The following CPT1A variants were observed in gnomAD, a reference collection of about 807,000 sequenced individuals.
CPT1A encodes the protein carnitine palmitoyltransferase 1A, also known as carnitine O-palmitoyltransferase 1, liver isoform.
CPT1A carries 64 observed loss-of-function variants against 100.8 expected under a neutral mutation model. That is an observed-to-expected ratio of 0.63 (90% CI 0.52 to 0.78). CPT1A has a LOEUF of 0.78. Ranked by LOEUF, CPT1A falls within the 30% of genes least tolerant of loss-of-function variation. The pLI, the probability that CPT1A is intolerant of heterozygous loss-of-function variation, is 0.00. For missense variants in CPT1A, 802 were observed against 1,034.1 expected (o/e 0.78, Z 3.08); for synonymous variants, 363 against 396.0 (o/e 0.92, Z 0.99).
At chr11:68,812,719 C>T (rs1377461518) in intron 2 of CPT1A, 143 bp from the exon 3 acceptor site, 1 of 887,620 alleles carries the variant, frequency 1.1e-6, no homozygotes, top group Admixed American at 2.0e-5. Flanking sequence ...TGAGAAACCA[C>T]ACCCCACTAG....
intron 18 of CPT1A, among the ~76,000 whole-genome samples, chr11:68,758,591 T>C (rs1252108298): frequency 2.0e-5 from 3 of 151,858 alleles, no homozygotes; most frequent in Admixed American, 6.6e-5. Context: ...GAGGTAAACA[T>C]GTTAAACCAA....
chr11:68,803,919 G>A, intron 5 of CPT1A, 81 bp downstream of exon 5: 1 of 1,102,400 alleles, frequency 9.1e-7, no homozygotes. Flanking sequence ...AAATGGCGGT[G>A]ACCTAGTTCA....
chr11:68,838,575 A>AAAAAAAAAAAAAAC (rs1857074330), intron 1 of CPT1A, among the ~76,000 whole-genome samples: 1 of 140,844 alleles, frequency 7.1e-6, no homozygotes, highest in African/African-American at 2.7e-5. Context: ...ACCTTTTTAA[A>AAAAAAAAAAAAAAC]AAAAAAAAAA....
At chr11:68,816,976 T>C (rs1594365031) in intron 1 of CPT1A, among the ~76,000 whole-genome samples, 1 of 80,782 alleles carries the variant, frequency 1.2e-5, no homozygotes, top group African/African-American at 5.1e-5. Flanking sequence ...GTGTGTGGTG[T>C]GGGGGGGTGC....
At chr11:68,827,514 C>A (rs1566387152) in intron 1 of CPT1A, among the ~76,000 whole-genome samples, 1 of 151,660 alleles carries the variant, frequency 6.6e-6, no homozygotes, top group Non-Finnish European at 1.5e-5. Flanking sequence ...TAGAATGTCC[C>A]CCCTACCCCA....
upstream of CPT1A, among the ~76,000 whole-genome samples, chr11:68,842,183 G>A (rs1200711692): frequency 1.3e-5 from 2 of 152,182 alleles, no homozygotes; most frequent in Admixed American, 6.5e-5. Context: ...GTGCCTGGCT[G>A]ATCCTCGCGA....
chr11:68,830,851 G>A (rs928507271), intron 1 of CPT1A, among the ~76,000 whole-genome samples: 1 of 152,206 alleles, frequency 6.6e-6, no homozygotes, highest in South Asian at 2.1e-4. Flanking sequence ...AATGTCACCT[G>A]CACCAGCTGG....
intron 9 of CPT1A, among the ~76,000 whole-genome samples, chr11:68,790,901 G>A (rs539980915): frequency 3.7e-4 from 57 of 152,116 alleles, no homozygotes; most frequent in African/African-American, 1.3e-3. Flanking sequence ...TTGGCTCACT[G>A]CAACCTCCAC....
chr11:68,780,703 C>CT lies in CPT1A; in HGVS notation c.1394_1395insA (p.Lys466GlufsTer7), dbSNP rs764090154. On this transcript the variant is annotated frameshift_variant, in exon 12 of 19. Transcript: ENST00000265641. LOFTEE classifies it high-confidence loss of function. Reference sequence around the variant, plus strand: ...AGTGTTCAGCGTTGAGGCCCATCTTCCCGTTTTTGAAGACAACAAACGTGA... The same window carrying CT: ...AGTGTTCAGCGTTGAGGCCCATCTTCTCCGTTTTTGAAGACAACAAACGTGA... 6.2e-7 allele frequency: 1 copy of CT among 1,614,260 alleles called. No individual in the cohort carries two copies. The highest frequency in any genetic ancestry group is 8.5e-7 in the Non-Finnish European group (1 of 1,180,044).
intron 4 of CPT1A, among the ~76,000 whole-genome samples, chr11:68,807,090 T>G (rs1464551625): frequency 1.3e-5 from 2 of 152,144 alleles, no homozygotes; most frequent in African/African-American, 4.8e-5. Context: ...TTCCAGAAGC[T>G]AAGTCTGAGT....
intron 14 of CPT1A, among the ~76,000 whole-genome samples, chr11:68,763,280 T>C (rs184363064): frequency 6.6e-6 from 1 of 152,070 alleles, no homozygotes; most frequent in Non-Finnish European, 1.5e-5. Context: ...CAGGTTTCTG[T>C]TTCAAGATGC....
chr11:68,773,576 A>AACTTACTAGGGCTTCT, intron 13 of CPT1A, 147 bp from the exon 14 acceptor site: 1 of 1,455,538 alleles, frequency 6.9e-7, no homozygotes, highest in Non-Finnish European at 9.2e-7. Context: ...CAGAAGCCCT[A>AACTTACTAGGGCTTCT]GTAAGTTAGG....
chr11:68,775,579 T>C, intron 12 of CPT1A, 147 bp from the exon 13 acceptor site: 1 of 675,508 alleles, frequency 1.5e-6, no homozygotes, highest in Non-Finnish European at 2.7e-6. Flanking sequence ...CAGCACCTAA[T>C]GAGGTGGATC....
intron 1 of CPT1A, among the ~76,000 whole-genome samples, chr11:68,828,099 T>C (rs913407547): frequency 2.0e-5 from 3 of 152,186 alleles, no homozygotes; most frequent in African/African-American, 7.2e-5. Context: ...GCAGACTTCC[T>C]TATGCCTGCC....
In CPT1A at chr11:68,822,631, A is replaced by G. The variant is rs1411149921; in HGVS notation, c.-13-7144T>C. Among the ~76,000 whole-genome samples, 6 of 152,214 alleles carry G rather than the reference A, an allele frequency of 3.9e-5. No homozygotes were observed. The East Asian group carries it at 1.2e-3, about 29-fold the overall frequency. On this transcript the variant is annotated intron_variant, in intron 1 of 18. Transcript: ENST00000265641. ...AAGAGAACTGAAAACATGTCCATAC[A>G]AAAGTCTGCACACGAACACTCACAA...
intron 9 of CPT1A, among the ~76,000 whole-genome samples, chr11:68,789,290 G>C (rs1190431205): frequency 1.3e-5 from 2 of 152,150 alleles, no homozygotes; most frequent in African/African-American, 4.8e-5. Context: ...TAATTAGTGA[G>C]GATTGTGACT....
rs188884544 is a variant in CPT1A, at chr11:68,757,175, T to C, written c.*469A>G. 2 of 429,384 alleles carry C rather than the reference T, an allele frequency of 4.7e-6. No individual in the cohort carries two copies. The highest frequency in any genetic ancestry group is 4.2e-5 in the African/African-American group (2 of 47,166). 26.6% of individuals were successfully genotyped at this position (429,384 alleles called of 1,614,324 possible). A position where few individuals can be genotyped will look rare whatever the true frequency, so the allele number is the denominator to read the frequency against. On this transcript the variant is annotated 3_prime_UTR_variant, in exon 19 of 19. Coordinates refer to ENST00000265641, the MANE Select transcript of CPT1A (RefSeq NM_001876.4). ...AGCATTTTGGTTAGTGCATTCCAGA[T>C]GTGTTAGCTACAACTGGGGACACCA...
At position 68,807,711 on chromosome 11, in the gene CPT1A, C is replaced by T. The variant is rs991213398; in HGVS notation, c.282-73G>A. 4.1e-6 allele frequency: 6 copies of T among 1,455,430 alleles called. No homozygotes were observed. The African/African-American group carries it at 7.0e-5, about 17-fold the overall frequency. The allele number at this position is 1,455,430 out of a possible 1,614,324, so 90.2% of individuals were successfully genotyped here. ...GTGCCACCAACACCACCGGTGACGC[C>T]ACAGACACCACGTGCTGCAGGGTCC... On this transcript the variant is annotated intron_variant, in intron 3 of 18. Coordinates refer to ENST00000265641, the MANE Select transcript of CPT1A (RefSeq NM_001876.4).
intron 10 of CPT1A, among the ~76,000 whole-genome samples, chr11:68,784,317 T>C (rs1855392459): frequency 6.6e-6 from 1 of 152,106 alleles, no homozygotes; most frequent in South Asian, 2.1e-4. Flanking sequence ...TCCCAGAACT[T>C]TGGGAGGCCA....
Sources: allele counts gnomAD v4.1 joint callset (sites outside exome capture counted in the v4.1 genomes callset), GRCh38; gene constraint gnomAD v4.1.1; transcripts MANE v1.5; gene names NCBI Gene and HGNC (gene_info 2026-07-23, HGNC 2026-07-21).